Variants in LRP1B observed in about 807,000 individuals in gnomAD.
LRP1B encodes the protein LDL receptor related protein 1B.
In LRP1B, 217 loss-of-function variants were observed where a neutral mutation model predicts 556.6. That is an observed-to-expected ratio of 0.39 (90% confidence interval 0.35 to 0.44). The LOEUF is 0.44. Among genes scored for constraint, LRP1B ranks in the 20% least tolerant of loss-of-function variants. The pLI is 1.00. For missense variants in LRP1B, 5,053 were observed against 5,620.8 expected (o/e 0.90, Z 3.23); for synonymous variants, 2,047 against 1,865.8 (o/e 1.10, Z -2.50).
Position 140,485,583 on chromosome 2 carries a change from A to T in LRP1B, c.9244-59T>A, listed in dbSNP as rs1324273462. Reference sequence around the variant, plus strand: ...AAATCCCTAAAATAAGAAGTGAGCAATTGCTTCTTGATTTTTACAGAGATA... The same window carrying T: ...AAATCCCTAAAATAAGAAGTGAGCATTTGCTTCTTGATTTTTACAGAGATA... On this transcript the variant is annotated intron_variant, in intron 58 of 90. Transcript: ENST00000389484. 5 of 1,238,802 alleles carry T rather than the reference A, an allele frequency of 4.0e-6. No individual in the cohort carries two copies. The East Asian group carries it at 1.2e-4, about 30-fold the overall frequency. 76.7% of individuals were successfully genotyped at this position (1,238,802 alleles called of 1,614,324 possible).
intron 57 of LRP1B, among the ~76,000 whole-genome samples, chr2:140,492,151 T>TATCC (rs1354432395): frequency 6.6e-6 from 1 of 152,140 alleles, no homozygotes; most frequent in Non-Finnish European, 1.5e-5. Context: ...GATGAGTAAA[T>TATCC]ATCCTACTAG....
At chr2:142,058,699 G>T (rs1168507258) in intron 1 of LRP1B, among the ~76,000 whole-genome samples, 3 of 151,964 alleles carry the variant, frequency 2.0e-5, no homozygotes, top group Non-Finnish European at 4.4e-5. Context: ...TCTCTCCAAT[G>T]CTTGGCACAT....
At chr2:141,105,784 T>C (rs1418014671) in intron 7 of LRP1B, among the ~76,000 whole-genome samples, 3 of 152,130 alleles carry the variant, frequency 2.0e-5, no homozygotes, top group Non-Finnish European at 4.4e-5. Flanking sequence ...AAAACTTACA[T>C]TGGAATTAAA....
chr2:142,041,006 G>A (rs1337723840), intron 1 of LRP1B, among the ~76,000 whole-genome samples: 5 of 151,276 alleles, frequency 3.3e-5, no homozygotes, highest in Admixed American at 1.3e-4. Context: ...CCAGTGAAAC[G>A]TTTCTAAAAA....
intron 7 of LRP1B, among the ~76,000 whole-genome samples, chr2:141,177,910 G>A (rs1376436906): frequency 1.3e-5 from 2 of 152,068 alleles, no homozygotes; most frequent in East Asian, 3.9e-4. Context: ...CATTGTTTTA[G>A]ATGACCTCAA....
At chr2:141,348,489 TTAA>T (rs1346465179) in intron 3 of LRP1B, among the ~76,000 whole-genome samples, 11 of 151,988 alleles carry the variant, frequency 7.2e-5, no homozygotes, top group Non-Finnish European at 1.3e-4. Flanking sequence ...ATTAGTATTA[TTAA>T]TATCATTTGG....
At chr2:140,809,246 TA>T (rs906060114) in intron 32 of LRP1B, among the ~76,000 whole-genome samples, 7 of 151,452 alleles carry the variant, frequency 4.6e-5, no homozygotes, top group African/African-American at 1.2e-4. Context: ...GGTATTTTTT[TA>T]AAAAAAAATT....
intron 2 of LRP1B, among the ~76,000 whole-genome samples, chr2:141,793,432 A>T (rs927852121): frequency 4.6e-5 from 7 of 151,940 alleles, no homozygotes; most frequent in African/African-American, 1.7e-4. Flanking sequence ...CTAGAATGAG[A>T]GTTTCTATAA....
chr2:142,088,063 T>C (rs1706012924), intron 1 of LRP1B, among the ~76,000 whole-genome samples: 1 of 152,142 alleles, frequency 6.6e-6, no homozygotes, highest in Admixed American at 6.5e-5. Flanking sequence ...CACTACAGGT[T>C]TTCTTTGAAT....
intron 2 of LRP1B, among the ~76,000 whole-genome samples, chr2:141,493,770 C>G (rs1002786087): frequency 4.6e-5 from 7 of 152,110 alleles, no homozygotes; most frequent in African/African-American, 1.7e-4. Context: ...ATGGCTGTAT[C>G]ATGAACACCA....
At chr2:141,033,389 A>T (rs558100037) in intron 11 of LRP1B, among the ~76,000 whole-genome samples, 58 of 152,176 alleles carry the variant, frequency 3.8e-4, no homozygotes, top group African/African-American at 1.3e-3. Context: ...ACCAGACTAG[A>T]TTTAAAATTT....
In LRP1B at chr2:141,402,979, G is replaced by A. The variant is rs116598322; in HGVS notation, c.343+77417C>T. On this transcript the variant is annotated intron_variant, in intron 3 of 90. Coordinates refer to ENST00000389484, the MANE Select transcript of LRP1B (RefSeq NM_018557.3). ...ATCTAAATTTTGAGTATGAGATGGA[G>A]AGGAAAGGGGCAAAATATCAACTTT... Among the ~76,000 whole-genome samples, 538 of 152,136 alleles carry A rather than the reference G, an allele frequency of 3.5e-3. 5 individuals carry two copies. The highest frequency in any genetic ancestry group is 0.012 in the African/African-American group (519 of 41,532).
intron 7 of LRP1B, among the ~76,000 whole-genome samples, chr2:141,185,294 A>C (rs1242355931): frequency 6.6e-6 from 1 of 152,094 alleles, no homozygotes; most frequent in East Asian, 1.9e-4. Flanking sequence ...GACTGACTCC[A>C]GCATCAAGTT....
intron 1 of LRP1B, among the ~76,000 whole-genome samples, chr2:141,875,168 A>G (rs1698713551): frequency 6.6e-6 from 1 of 151,640 alleles, no homozygotes; most frequent in Non-Finnish European, 1.5e-5. Context: ...AAATGATGAT[A>G]TATATGACAC....
intron 43 of LRP1B, among the ~76,000 whole-genome samples, chr2:140,546,266 C>A (rs935053593): frequency 1.3e-5 from 2 of 152,048 alleles, no homozygotes; most frequent in South Asian, 4.2e-4. Context: ...CTTGGATGCC[C>A]CTTCTTTCTT....
chr2:141,281,850 G>C (rs762170294), intron 3 of LRP1B, among the ~76,000 whole-genome samples: 2 of 152,010 alleles, frequency 1.3e-5, no homozygotes, highest in Non-Finnish European at 2.9e-5. Context: ...AGCTATGTGA[G>C]CTACCCTGAA....
intron 2 of LRP1B, among the ~76,000 whole-genome samples, chr2:141,612,154 T>C (rs1688130685): frequency 6.6e-6 from 1 of 152,222 alleles, no homozygotes; most frequent in South Asian, 2.1e-4. Flanking sequence ...GAATTAGTCA[T>C]CCAGGATGTG....
chr2:142,126,273 T>G (rs897678837), intron 1 of LRP1B, among the ~76,000 whole-genome samples: 3 of 151,746 alleles, frequency 2.0e-5, no homozygotes, highest in African/African-American at 7.2e-5. Flanking sequence ...TCACTTTTTT[T>G]TTTGTCCAGA....
intron 17 of LRP1B, among the ~76,000 whole-genome samples, chr2:140,985,603 C>T (rs757966624): frequency 1.1e-4 from 16 of 151,890 alleles, no homozygotes; most frequent in Non-Finnish European, 2.1e-4. Flanking sequence ...TGACAGAGAA[C>T]GGCTACCAAC....
Sources: allele counts gnomAD v4.1 joint callset (sites outside exome capture counted in the v4.1 genomes callset), GRCh38; gene constraint gnomAD v4.1.1; transcripts MANE v1.5; gene names NCBI Gene and HGNC (gene_info 2026-07-23, HGNC 2026-07-21).